The following PCMTD1 variants were observed in gnomAD, a reference collection of about 807,000 sequenced individuals.
PCMTD1 encodes protein-L-isoaspartate (D-aspartate) O-methyltransferase domain containing 1.
In PCMTD1, 12 loss-of-function variants were observed where a neutral mutation model predicts 37.6. The observed-to-expected ratio is 0.32, with a 90% confidence interval of 0.20 to 0.52. The LOEUF (loss-of-function observed/expected upper bound fraction) is 0.52, where lower values mean the gene tolerates loss of function less well. PCMTD1 is among the 20% of genes least tolerant of loss of function. The pLI, the probability that PCMTD1 is intolerant of heterozygous loss-of-function variation, is 0.97. For synonymous variants in PCMTD1, 117 were observed against 135.8 expected, an observed-to-expected ratio of 0.86 and a Z score of 0.96; for missense variants, 235 against 421.3, an observed-to-expected ratio of 0.56 and a Z score of 3.87.
At chr8:51,873,542 T>C (rs77532876) in intron 1 of PCMTD1, among the ~76,000 whole-genome samples, 17,887 of 152,154 alleles carry the variant, frequency 0.12, 1,292 homozygotes, top group East Asian at 0.17. Context: ...GTTACTGATA[T>C]AGTTTTAATA....
chr8:51,864,516 T>A (rs1331730216), intron 1 of PCMTD1, among the ~76,000 whole-genome samples: 1 of 152,202 alleles, frequency 6.6e-6, no homozygotes, highest in East Asian at 1.9e-4. Context: ...TGATACCAAA[T>A]ATCTTTTCTA....
chr8:51,846,645 T>C (rs1438918637), intron 2 of PCMTD1, among the ~76,000 whole-genome samples: 1 of 152,188 alleles, frequency 6.6e-6, no homozygotes, highest in Non-Finnish European at 1.5e-5. Flanking sequence ...TCAGTATCTT[T>C]AGGAAATACT....
intron 2 of PCMTD1, among the ~76,000 whole-genome samples, chr8:51,853,605 T>C (rs1479197815): frequency 1.3e-5 from 2 of 152,178 alleles, no homozygotes; most frequent in African/African-American, 4.8e-5. Context: ...TAGGAAGATA[T>C]GTACATACAT....
chr8:51,872,112 A>G (rs2038648089), intron 1 of PCMTD1, among the ~76,000 whole-genome samples: 1 of 152,232 alleles, frequency 6.6e-6, no homozygotes, highest in Non-Finnish European at 1.5e-5. Flanking sequence ...ATAAAGTAAT[A>G]TATAAAACTT....
chr8:51,892,309 T>C lies in PCMTD1; in HGVS notation c.-96+6621A>G, dbSNP rs143822274. ...GATACCACGTATCATTTCTAAACAC[T>C]GAACTGCTAACACATGCAGGGCTGA... On this transcript the variant is annotated intron_variant, in intron 1 of 5. Coordinates refer to ENST00000522514, the MANE Select transcript of PCMTD1 (RefSeq NM_052937.4). Among the ~76,000 whole-genome samples the C allele has an allele frequency of 4.5e-4, 69 of 152,340 alleles. No individual in the cohort carries two copies. In the East Asian group the frequency reaches 0.011, roughly 25 times the overall value.
At chr8:51,857,544 G>A (rs552846132) in intron 2 of PCMTD1, among the ~76,000 whole-genome samples, 1 of 152,278 alleles carries the variant, frequency 6.6e-6, no homozygotes, top group East Asian at 1.9e-4. Context: ...GTAAAATACA[G>A]GACGTGGGAG....
chr8:51,822,808 G>A (rs1270566329), intron 5 of PCMTD1, among the ~76,000 whole-genome samples: 1 of 152,172 alleles, frequency 6.6e-6, no homozygotes, highest in Non-Finnish European at 1.5e-5. Flanking sequence ...GCCTGAGAGG[G>A]CTCTGTAAAG....
Position 51,818,276 on chromosome 8 carries a change from T to C in PCMTD1, c.*2075A>G, listed in dbSNP as rs2037788841. The C allele has an allele frequency of 3.6e-6, 1 of 275,172 alleles. No homozygotes were observed. The highest frequency in any genetic ancestry group is 7.0e-6 in the Non-Finnish European group (1 of 142,348). 17.0% of individuals were successfully genotyped at this position (275,172 alleles called of 1,614,324 possible). On this transcript the variant is annotated 3_prime_UTR_variant, in exon 6 of 6. Transcript: ENST00000522514. ...TTCAATGACAAGAAATATGCAATGA[T>C]CATGAAAATCTACTGTACACTTTGC...
intron 1 of PCMTD1, among the ~76,000 whole-genome samples, chr8:51,868,736 C>T (rs980146742): frequency 6.6e-6 from 1 of 152,076 alleles, no homozygotes; most frequent in Admixed American, 6.6e-5. Context: ...ACAGATACAG[C>T]TCTTACCACA....
At chr8:51,891,383 T>G (rs1324409216) in intron 1 of PCMTD1, among the ~76,000 whole-genome samples, 1 of 151,734 alleles carries the variant, frequency 6.6e-6, no homozygotes, top group Non-Finnish European at 1.5e-5. Context: ...GACACCTATC[T>G]CTACAAAAAA....
At chr8:51,856,103 A>G (rs2038384698) in intron 2 of PCMTD1, among the ~76,000 whole-genome samples, 1 of 152,194 alleles carries the variant, frequency 6.6e-6, no homozygotes, top group South Asian at 2.1e-4. Context: ...AGAGCATGAA[A>G]AAACATTTGA....
intron 3 of PCMTD1, among the ~76,000 whole-genome samples, chr8:51,840,732 T>C (rs796537859): frequency 8.5e-5 from 13 of 152,192 alleles, no homozygotes; most frequent in African/African-American, 3.1e-4. Context: ...GATATGACCA[T>C]GTCAACTAAA....
intron 1 of PCMTD1, among the ~76,000 whole-genome samples, chr8:51,889,465 G>C (rs897951773): frequency 5.9e-5 from 9 of 152,182 alleles, no homozygotes; most frequent in African/African-American, 2.2e-4. Context: ...TTTACAGCTA[G>C]TAGGAGGCAA....
chr8:51,841,776 G>C (rs766046460), intron 3 of PCMTD1, among the ~76,000 whole-genome samples: 7 of 152,070 alleles, frequency 4.6e-5, no homozygotes, highest in Non-Finnish European at 1.0e-4. Flanking sequence ...GCCTTTACTT[G>C]TCTAGCTAAA....
At chr8:51,893,628 AT>A (rs1434383858) in intron 1 of PCMTD1, among the ~76,000 whole-genome samples, 1 of 152,194 alleles carries the variant, frequency 6.6e-6, no homozygotes, top group Non-Finnish European at 1.5e-5. Context: ...TAAATCATTA[AT>A]TTTTTTAAAA....
At chr8:51,881,364 A>G (rs1032249911) in intron 1 of PCMTD1, among the ~76,000 whole-genome samples, 3 of 152,164 alleles carry the variant, frequency 2.0e-5, no homozygotes, top group African/African-American at 7.2e-5. Flanking sequence ...CAGCAAATTC[A>G]TTACCACTAC....
At chr8:51,861,714 GTTTTTTTTTTAAT>G (rs2038472023) in intron 1 of PCMTD1, among the ~76,000 whole-genome samples, 1 of 147,818 alleles carries the variant, frequency 6.8e-6, no homozygotes, top group Non-Finnish European at 1.5e-5. Flanking sequence ...CAGAAACCAT[GTTTTTTTTTTAAT>G]TTTTTTTTTT....
intron 2 of PCMTD1, chr8:51,849,708 T>C (rs2038276768): frequency 5.4e-6 from 1 of 184,948 alleles, no homozygotes; most frequent in African/African-American, 2.3e-5. Context: ...GCTTTTCTAA[T>C]AATTGGATCT....
intron 5 of PCMTD1, among the ~76,000 whole-genome samples, chr8:51,823,949 A>G (rs1281047104): frequency 6.6e-6 from 1 of 152,206 alleles, no homozygotes; most frequent in Non-Finnish European, 1.5e-5. Flanking sequence ...AAAAAACCAT[A>G]TGACTATCTC....
Sources: allele counts gnomAD v4.1 joint callset (sites outside exome capture counted in the v4.1 genomes callset), GRCh38; gene constraint gnomAD v4.1.1; transcripts MANE v1.5; gene names NCBI Gene and HGNC (gene_info 2026-07-23, HGNC 2026-07-21).